The following TRAF3 variants were observed in gnomAD, a reference collection of about 807,000 sequenced individuals.
TRAF3 encodes the protein TNF receptor associated factor 3.
Under a neutral mutation model 62.3 loss-of-function variants are expected in TRAF3, and 13 were observed. That is an observed-to-expected ratio of 0.21 (90% CI 0.14 to 0.33). The LOEUF (loss-of-function observed/expected upper bound fraction) is 0.33. Among genes scored for constraint, TRAF3 ranks in the 10% least tolerant of loss-of-function variants. TRAF3 has a pLI of 1.00. For missense variants in TRAF3, 440 were observed against 741.8 expected (o/e 0.59, Z 4.73); for synonymous variants, 269 against 283.4 (o/e 0.95, Z 0.51).
At chr14:102,843,013 G>C (rs1270172903) in intron 2 of TRAF3, among the ~76,000 whole-genome samples, 1 of 152,000 alleles carries the variant, frequency 6.6e-6, no homozygotes, top group Admixed American at 6.6e-5. Flanking sequence ...TTTGAGACTA[G>C]CCTGGCCAAC....
chr14:102,899,558 G>A (rs1230610394), intron 10 of TRAF3, among the ~76,000 whole-genome samples: 1 of 152,202 alleles, frequency 6.6e-6, no homozygotes, highest in Non-Finnish European at 1.5e-5. Flanking sequence ...CAAGCTCCAT[G>A]CTGCTGCACA....
intron 8 of TRAF3, among the ~76,000 whole-genome samples, chr14:102,891,013 GATATT>G (rs1889680289): frequency 6.6e-6 from 1 of 152,184 alleles, no homozygotes; most frequent in South Asian, 2.1e-4. Flanking sequence ...TTAATTTCTT[GATATT>G]ACAAGTGTCA....
chr14:102,906,135 AC>A lies in TRAF3; in HGVS notation c.*352del. ...TTCCTTAAACTTGAACACCAAAAAA[AC>A]ACACACACACACACACGTGGGGATA... On this transcript the variant is annotated 3_prime_UTR_variant, in exon 12 of 12. Coordinates refer to ENST00000392745, the MANE Select transcript of TRAF3 (RefSeq NM_145725.3). The A allele has an allele frequency of 1.2e-5, 2 of 172,520 alleles. No individual in the cohort carries two copies. Among genetic ancestry groups the A allele is most frequent in the South Asian group, 1.5e-4 (1 of 6,830 alleles). 10.7% of individuals were successfully genotyped at this position (172,520 alleles called of 1,614,324 possible).
In TRAF3 at chr14:102,802,844, C is replaced by T. The variant is rs185613216; in HGVS notation, c.-157+25169C>T. ...CTCTGTCTCAAAAAAAAGAAATACT[C>T]GAGACTGAGTAATTTATTAATATAA... On this transcript the variant is annotated intron_variant, in intron 1 of 11. Transcript: ENST00000392745. Among the ~76,000 whole-genome samples the T allele has an allele frequency of 5.3e-5, 8 of 152,068 alleles. No homozygotes were observed. The East Asian group carries it at 1.4e-3, about 26-fold the overall frequency.
intron 2 of TRAF3, among the ~76,000 whole-genome samples, chr14:102,834,920 G>A (rs1885901771): frequency 1.3e-5 from 2 of 152,078 alleles, no homozygotes; most frequent in Non-Finnish European, 2.9e-5. Context: ...AAACTTAAGA[G>A]CTTCTATACA....
intron 1 of TRAF3, among the ~76,000 whole-genome samples, chr14:102,816,105 A>AT (rs550927487): frequency 0.035 from 5,015 of 144,714 alleles, 216 homozygotes; most frequent in African/African-American, 0.11. Context: ...TCTAAATTCT[A>AT]TTTTTTTTTT....
chr14:102,837,042 A>T (rs1415016731), intron 2 of TRAF3, among the ~76,000 whole-genome samples: 1 of 151,894 alleles, frequency 6.6e-6, no homozygotes, highest in African/African-American at 2.4e-5. Flanking sequence ...ATGCATTTGG[A>T]TGATACTGTT....
intron 6 of TRAF3, among the ~76,000 whole-genome samples, chr14:102,879,558 C>T (rs924288370): frequency 6.6e-6 from 1 of 152,006 alleles, no homozygotes; most frequent in African/African-American, 2.4e-5. Context: ...CGCACCCAGC[C>T]GTGGAGCTCT....
chr14:102,820,136 C>A (rs112623686), intron 1 of TRAF3, among the ~76,000 whole-genome samples: 2 of 152,182 alleles, frequency 1.3e-5, no homozygotes, highest in Non-Finnish European at 2.9e-5. Flanking sequence ...CCTTTGCGAG[C>A]GTCCTCTACA....
At chr14:102,860,017 C>T (rs1249028662) in intron 2 of TRAF3, among the ~76,000 whole-genome samples, 1 of 152,200 alleles carries the variant, frequency 6.6e-6, no homozygotes, top group East Asian at 1.9e-4. Context: ...CCACATATTT[C>T]ATTGCCAGGC....
chr14:102,890,755 G>T (rs1249543493), intron 8 of TRAF3, among the ~76,000 whole-genome samples: 3 of 152,100 alleles, frequency 2.0e-5, no homozygotes, highest in Non-Finnish European at 2.9e-5. Flanking sequence ...TCTGTAGATT[G>T]TATTTGTTTT....
chr14:102,859,505 TA>T (rs2139773175), intron 2 of TRAF3, among the ~76,000 whole-genome samples: 1 of 152,360 alleles, frequency 6.6e-6, no homozygotes, highest in Admixed American at 6.5e-5. Flanking sequence ...TAGGTAAGTT[TA>T]ACAATTTTCA....
At chr14:102,783,072 G>C (rs1445982395) in intron 1 of TRAF3, among the ~76,000 whole-genome samples, 3 of 152,144 alleles carry the variant, frequency 2.0e-5, no homozygotes, top group Non-Finnish European at 2.9e-5. Context: ...TGCTCGTTAG[G>C]CCTTCCCTCC....
intron 1 of TRAF3, among the ~76,000 whole-genome samples, chr14:102,802,275 C>T (rs1296535875): frequency 6.9e-6 from 1 of 145,500 alleles, no homozygotes; most frequent in Non-Finnish European, 1.5e-5. Context: ...CTGCCTCAGC[C>T]TCCCGAGTAG....
At chr14:102,811,963 G>C (rs1193463821) in intron 1 of TRAF3, among the ~76,000 whole-genome samples, 20 of 105,260 alleles carry the variant, frequency 1.9e-4, no homozygotes, top group Non-Finnish European at 3.5e-4. Flanking sequence ...GGGTCTTGCT[G>C]TGTTGCTAAG....
At chr14:102,783,263 G>A (rs1897340104) in intron 1 of TRAF3, among the ~76,000 whole-genome samples, 1 of 152,158 alleles carries the variant, frequency 6.6e-6, no homozygotes, top group Non-Finnish European at 1.5e-5. Context: ...CTGGAGGTCA[G>A]GCTTCCATCC....
intron 1 of TRAF3, among the ~76,000 whole-genome samples, chr14:102,815,278 G>A (rs959940801): frequency 7.2e-5 from 11 of 152,174 alleles, no homozygotes; most frequent in African/African-American, 1.2e-4. Flanking sequence ...ATCCAAGGTC[G>A]TGAAGATTTA....
At position 102,903,947 on chromosome 14, in the gene TRAF3, GGT is replaced by G. The variant is rs1890444506; in HGVS notation, c.1135+528_1135+529del. The G allele has an allele frequency of 2.9e-5, 11 of 384,710 alleles. No individual in the cohort carries two copies. The highest frequency in any genetic ancestry group is 1.5e-4 in the East Asian group (2 of 13,724). 23.8% of individuals were successfully genotyped at this position (384,710 alleles called of 1,614,324 possible). A position where few individuals can be genotyped will look rare whatever the true frequency, so the allele number is the denominator to read the frequency against. On this transcript the variant is annotated intron_variant, in intron 11 of 11. Coordinates refer to ENST00000392745, the MANE Select transcript of TRAF3 (RefSeq NM_145725.3). This position sits in a 1 kb window ranked among gnomAD's most constrained non-coding sequence, Gnocchi z 6.4. ...ATGGCAGAAAGGAACACAGATTACC[GGT>G]GTGTGTGTGGGGCCGGATGAAGCAG...
At chr14:102,838,385 G>T (rs1886157262) in intron 2 of TRAF3, among the ~76,000 whole-genome samples, 2 of 152,164 alleles carry the variant, frequency 1.3e-5, no homozygotes, top group Admixed American at 6.5e-5. Flanking sequence ...ACAGGACCAG[G>T]ATTTCAGGAG....
Sources: allele counts gnomAD v4.1 joint callset (sites outside exome capture counted in the v4.1 genomes callset), GRCh38; gene constraint gnomAD v4.1.1; non-coding constraint Gnocchi (gnomAD v3.1); transcripts MANE v1.5; gene names NCBI Gene and HGNC (gene_info 2026-07-23, HGNC 2026-07-21).